The following PRKAR1B variants were observed in gnomAD, a reference collection of about 807,000 sequenced individuals.
The protein encoded by PRKAR1B is cAMP-dependent protein kinase type I-beta regulatory subunit.
PRKAR1B carries 22 observed loss-of-function variants against 46.5 expected under a neutral mutation model. The ratio of observed to expected loss-of-function variants is 0.47; its 90% CI spans 0.34 to 0.68. PRKAR1B has a LOEUF of 0.68. Ranked by LOEUF, PRKAR1B falls within the 30% of genes least tolerant of loss-of-function variation. The pLI, the probability that PRKAR1B is intolerant of heterozygous loss-of-function variation, is 0.01. For missense variants in PRKAR1B, 445 were observed against 535.6 expected, an observed-to-expected ratio of 0.83 and a Z score of 1.67; for synonymous variants, 259 against 217.7, an observed-to-expected ratio of 1.19 and a Z score of -1.67.
rs1378062155 is a variant in PRKAR1B at position 725,950 on chromosome 7, C to T, written c.-23+1260G>A. Among the ~76,000 whole-genome samples the T allele has an allele frequency of 4.6e-5, 7 of 152,120 alleles. No individual in the cohort carries two copies. The East Asian group carries it at 1.3e-3, about 29-fold the overall frequency. On this transcript the variant is annotated intron_variant, in intron 1 of 10. Transcript: ENST00000537384. ...ACTCTCCATGGTTTCATCTCCAACC[C>T]GACCAATAAGCACTGCCCTCTCCCT...
At chr7:643,209 T>C (rs1460995245) in intron 4 of PRKAR1B, among the ~76,000 whole-genome samples, 1 of 151,670 alleles carries the variant, frequency 6.6e-6, no homozygotes, top group Non-Finnish European at 1.5e-5. Context: ...TCATGCCATC[T>C]TCAAACTGCA....
intron 7 of PRKAR1B, among the ~76,000 whole-genome samples, chr7:594,367 A>T (rs573897793): frequency 6.6e-6 from 1 of 152,070 alleles, no homozygotes; most frequent in South Asian, 2.1e-4. Flanking sequence ...GCCGGGCTGG[A>T]CCCCGGGACC....
intron 10 of PRKAR1B, among the ~76,000 whole-genome samples, chr7:551,116 C>T (rs1784160043): frequency 6.6e-6 from 1 of 152,120 alleles, no homozygotes; most frequent in Admixed American, 6.5e-5. Context: ...GCCCCCTCAT[C>T]CCAGAAGCAG....
chr7:590,873 C>G (rs952495053), intron 7 of PRKAR1B, among the ~76,000 whole-genome samples: 1 of 152,136 alleles, frequency 6.6e-6, no homozygotes, highest in Non-Finnish European at 1.5e-5. Flanking sequence ...TCAGAAACGC[C>G]GAGCCCAGGC....
chr7:581,948 G>T (rs549106467), intron 8 of PRKAR1B, among the ~76,000 whole-genome samples: 1 of 152,332 alleles, frequency 6.6e-6, no homozygotes, highest in African/African-American at 2.4e-5. Context: ...GGAGTTCATG[G>T]CCTCAAGTGA....
intron 4 of PRKAR1B, among the ~76,000 whole-genome samples, chr7:670,104 G>A (rs546326410): frequency 4.6e-5 from 7 of 151,848 alleles, no homozygotes; most frequent in African/African-American, 9.7e-5. Flanking sequence ...TCCTGACCTC[G>A]TGATCCACCC....
At chr7:568,157 G>A (rs771602322) in intron 9 of PRKAR1B, among the ~76,000 whole-genome samples, 7 of 152,288 alleles carry the variant, frequency 4.6e-5, no homozygotes, top group South Asian at 2.1e-4. Context: ...ACCCATGCTC[G>A]GGGGTCATGG....
At chr7:620,664 C>T (rs1031775557) in intron 4 of PRKAR1B, among the ~76,000 whole-genome samples, 1 of 152,202 alleles carries the variant, frequency 6.6e-6, no homozygotes, top group Non-Finnish European at 1.5e-5. Flanking sequence ...TGAGCTTGCA[C>T]CAACCCTGCT....
chr7:719,151 T>G (rs1420470231), intron 1 of PRKAR1B, among the ~76,000 whole-genome samples: 1 of 152,178 alleles, frequency 6.6e-6, no homozygotes, highest in African/African-American at 2.4e-5. Flanking sequence ...GCAATTCTCC[T>G]GTCTCAGCCT....
At chr7:631,494 C>G (rs1319920083) in intron 4 of PRKAR1B, among the ~76,000 whole-genome samples, 3 of 152,218 alleles carry the variant, frequency 2.0e-5, no homozygotes, top group Non-Finnish European at 4.4e-5. Context: ...GGTCAGCCAG[C>G]ACCCAGACAG....
chr7:584,735 G>A (rs2128447605), intron 7 of PRKAR1B, among the ~76,000 whole-genome samples, 167 bp from the exon 8 acceptor site: 1 of 152,258 alleles, frequency 6.6e-6, no homozygotes, highest in East Asian at 1.9e-4. Flanking sequence ...AGCTGCCACG[G>A]TGTCCTATGC....
chr7:614,175 C>T (rs1278274079), intron 4 of PRKAR1B, among the ~76,000 whole-genome samples: 1 of 152,236 alleles, frequency 6.6e-6, no homozygotes, highest in Non-Finnish European at 1.5e-5. Context: ...CACAGGAAGC[C>T]TCTGTCCATA....
chr7:665,683 T>C (rs4446636), intron 4 of PRKAR1B, among the ~76,000 whole-genome samples: 94,271 of 152,078 alleles, frequency 0.62, 29,597 homozygotes, highest in South Asian at 0.72. Flanking sequence ...TTTTGTTTTT[T>C]TAATGTTGCC....
At chr7:643,056 C>T (rs971692967) in intron 4 of PRKAR1B, among the ~76,000 whole-genome samples, 6 of 151,612 alleles carry the variant, frequency 4.0e-5, no homozygotes, top group East Asian at 1.9e-4. Context: ...GGCACATAGC[C>T]GGTATTCCAT....
At chr7:588,326 G>A (rs962922558) in intron 7 of PRKAR1B, among the ~76,000 whole-genome samples, 6 of 152,248 alleles carry the variant, frequency 3.9e-5, no homozygotes, top group African/African-American at 1.4e-4. Flanking sequence ...TTGGGCTTTG[G>A]TGAAATGAGA....
intron 4 of PRKAR1B, among the ~76,000 whole-genome samples, chr7:660,344 C>T (rs1352601069): frequency 1.3e-5 from 2 of 152,042 alleles, no homozygotes; most frequent in Non-Finnish European, 2.9e-5. Flanking sequence ...ACAGGCCCCG[C>T]TCCAACGGGT....
intron 2 of PRKAR1B, among the ~76,000 whole-genome samples, chr7:682,344 T>C (rs542502004): frequency 6.6e-6 from 1 of 151,932 alleles, no homozygotes; most frequent in African/African-American, 2.4e-5. Context: ...TGTGGTGGCT[T>C]CTGGCCGGGT....
rs1785603817 is a variant in PRKAR1B at position 662,009 on chromosome 7, G to A, written c.440+15220C>T. 3.2e-5 allele frequency among the ~76,000 whole-genome samples: 2 copies of A among 61,796 alleles called. 1 individual carries two copies. Among genetic ancestry groups the A allele is most frequent in the Non-Finnish European group, 6.1e-5 (2 of 32,566 alleles). 40.5% of individuals were successfully genotyped at this position (61,796 alleles called of 152,430 possible). Reference sequence around the variant, plus strand: ...ACCTACTCTCCCCCACATGGCACAGGTCCCCACCCCAACGGATCCAAATAC... The same window carrying A: ...ACCTACTCTCCCCCACATGGCACAGATCCCCACCCCAACGGATCCAAATAC... On this transcript the variant is annotated intron_variant, in intron 4 of 10. Transcript: ENST00000537384.
chr7:691,673 C>T (rs1583426031), intron 2 of PRKAR1B: 13 of 1,291,856 alleles, frequency 1.0e-5, no homozygotes, highest in Non-Finnish European at 1.3e-5. Flanking sequence ...GTTGGAAACC[C>T]AGTGCTGTGA....
Sources: gnomAD v4.1 joint callset for allele counts (sites outside exome capture counted in the v4.1 genomes callset) on GRCh38, gnomAD v4.1.1 for gene constraint, MANE v1.5 for transcripts, NCBI Gene and HGNC (gene_info 2026-07-23, HGNC 2026-07-21) for gene names.